HS3ST5: variants seen among roughly 807,000 people sequenced by gnomAD.
HS3ST5 encodes the protein heparan sulfate-glucosamine 3-sulfotransferase 5.
Under a neutral mutation model 25.4 loss-of-function variants are expected in HS3ST5, and 10 were observed. That is an observed-to-expected ratio of 0.39 (90% confidence interval 0.24 to 0.67). The LOEUF (loss-of-function observed/expected upper bound fraction) is 0.67. HS3ST5 is among the 30% of genes least tolerant of loss of function. The pLI is 0.44. For missense variants in HS3ST5, 324 were observed against 420.7 expected, an observed-to-expected ratio of 0.77 and a Z score of 2.01; for synonymous variants, 170 against 162.4, an observed-to-expected ratio of 1.05 and a Z score of -0.36.
intron 3 of HS3ST5, among the ~76,000 whole-genome samples, chr6:114,164,998 TAAAG>T (rs1446714309): frequency 6.6e-6 from 1 of 152,130 alleles, no homozygotes; most frequent in Non-Finnish European, 1.5e-5. Context: ...GAAAAACTGT[TAAAG>T]AGATTGTTCC....
chr6:114,229,275 T>G (rs1417438297), intron 1 of HS3ST5, among the ~76,000 whole-genome samples: 1 of 152,194 alleles, frequency 6.6e-6, no homozygotes, highest in Admixed American at 6.5e-5. Flanking sequence ...AGTCAAAATG[T>G]GTTGCCTATT....
intron 3 of HS3ST5, among the ~76,000 whole-genome samples, chr6:114,100,924 T>C (rs1582600870): frequency 6.6e-6 from 1 of 152,358 alleles, no homozygotes; most frequent in Non-Finnish European, 1.5e-5. Flanking sequence ...CTAAGAGTCA[T>C]AGCTTTTGGT....
chr6:114,082,516 G>A (rs1041698124), intron 3 of HS3ST5, among the ~76,000 whole-genome samples: 2 of 152,210 alleles, frequency 1.3e-5, no homozygotes, highest in South Asian at 2.1e-4. Context: ...CCAGGGAAAT[G>A]TATTGAGATA....
intron 3 of HS3ST5, among the ~76,000 whole-genome samples, chr6:114,092,863 T>C (rs1416781544): frequency 1.3e-5 from 2 of 151,934 alleles, no homozygotes; most frequent in African/African-American, 4.8e-5. Context: ...TCAGTAGAGA[T>C]GGGGTTTCAC....
intron 3 of HS3ST5, among the ~76,000 whole-genome samples, chr6:114,140,115 T>G: frequency 6.6e-6 from 1 of 152,170 alleles, no homozygotes; most frequent in East Asian, 1.9e-4. Context: ...GTGATTTTCT[T>G]CTACTTCTTT....
In HS3ST5 at chr6:114,085,934, GCC is replaced by G. The variant is rs377436068; in HGVS notation, c.-32-23059_-32-23058del. 1.1e-3 allele frequency among the ~76,000 whole-genome samples: 107 copies of G among 98,886 alleles called. 5 individuals carry two copies. Among genetic ancestry groups the G allele is most frequent in the African/African-American group, 3.8e-3 (97 of 25,520 alleles). The allele number at this position is 98,886 out of a possible 152,430, so 64.9% of individuals were successfully genotyped here. On this transcript the variant is annotated intron_variant, in intron 3 of 4. Transcript: ENST00000312719. ...TCTCTTAAATTCATATAAATTCATT[GCC>G]CCCCCCCCCATTTAATCAGCCACTT...
At chr6:114,137,415 A>G (rs2114924293) in intron 3 of HS3ST5, among the ~76,000 whole-genome samples, 1 of 152,198 alleles carries the variant, frequency 6.6e-6, no homozygotes, top group East Asian at 1.9e-4. Context: ...GTCTCAGGTG[A>G]AAAATATTTA....
At chr6:114,333,068 G>GA (rs1776466799) in intron 1 of HS3ST5, among the ~76,000 whole-genome samples, 3 of 151,988 alleles carry the variant, frequency 2.0e-5, no homozygotes, top group South Asian at 4.2e-4. Flanking sequence ...TTTGTAGTCA[G>GA]AAAAAAAATC....
chr6:114,084,314 A>G, intron 3 of HS3ST5: 1 of 766,864 alleles, frequency 1.3e-6, no homozygotes, highest in South Asian at 1.3e-5. Context: ...CCTTCAGACC[A>G]GTCTGCAATC....
chr6:114,244,792 G>A (rs1772305268), intron 1 of HS3ST5, among the ~76,000 whole-genome samples: 1 of 152,114 alleles, frequency 6.6e-6, no homozygotes, highest in South Asian at 2.1e-4. Flanking sequence ...GAACTCAAAT[G>A]CTGGGAAACT....
chr6:114,154,218 A>G (rs1053566382), intron 3 of HS3ST5, among the ~76,000 whole-genome samples: 1 of 152,184 alleles, frequency 6.6e-6, no homozygotes. Context: ...CAGTGTGACT[A>G]GAGAAGTCTG....
At chr6:114,151,394 C>T (rs558001377) in intron 3 of HS3ST5, among the ~76,000 whole-genome samples, 1 of 152,220 alleles carries the variant, frequency 6.6e-6, no homozygotes, top group East Asian at 1.9e-4. Context: ...ATTGTTATGG[C>T]ATAGCTTTGT....
At chr6:114,297,288 C>T (rs1211366090) in intron 1 of HS3ST5, among the ~76,000 whole-genome samples, 4 of 152,072 alleles carry the variant, frequency 2.6e-5, no homozygotes, top group Non-Finnish European at 5.9e-5. Context: ...TCTGCCTTCA[C>T]AGGGCTCCGG....
At chr6:114,140,515 AC>A (rs1777850266) in intron 3 of HS3ST5, among the ~76,000 whole-genome samples, 1 of 152,158 alleles carries the variant, frequency 6.6e-6, no homozygotes, top group South Asian at 2.1e-4. Flanking sequence ...TCTAAGGTCC[AC>A]CCCTTCCTTG....
At chr6:114,144,827 A>G (rs1421279352) in intron 3 of HS3ST5, among the ~76,000 whole-genome samples, 1 of 152,220 alleles carries the variant, frequency 6.6e-6, no homozygotes, top group South Asian at 2.1e-4. Context: ...TTAGAATTAA[A>G]TGAGTAACGT....
chr6:114,144,041 A>T (rs1005936065), intron 3 of HS3ST5: 4 of 152,184 alleles, frequency 2.6e-5, no homozygotes, highest in African/African-American at 4.8e-5. Flanking sequence ...TCTATTTTTT[A>T]TGTTGAGGTT....
At chr6:114,104,320 G>A (rs1238092577) in intron 3 of HS3ST5, among the ~76,000 whole-genome samples, 1 of 152,102 alleles carries the variant, frequency 6.6e-6, no homozygotes, top group Non-Finnish European at 1.5e-5. Flanking sequence ...GGTCTCAAGG[G>A]ACACAAATAC....
intron 3 of HS3ST5, among the ~76,000 whole-genome samples, chr6:114,144,564 G>A (rs1478361173): frequency 6.6e-6 from 1 of 152,102 alleles, no homozygotes; most frequent in Non-Finnish European, 1.5e-5. Flanking sequence ...CTATCCAGAA[G>A]TTAGTTCTCA....
intron 4 of HS3ST5, among the ~76,000 whole-genome samples, chr6:114,061,249 T>G (rs1422525285): frequency 3.3e-5 from 5 of 152,208 alleles, no homozygotes; most frequent in African/African-American, 4.8e-5. Flanking sequence ...GGGCTGGATA[T>G]AAGAGTTCCA....
Sources: gnomAD v4.1 joint callset for allele counts (sites outside exome capture counted in the v4.1 genomes callset) on GRCh38, gnomAD v4.1.1 for gene constraint, MANE v1.5 for transcripts, NCBI Gene and HGNC (gene_info 2026-07-23, HGNC 2026-07-21) for gene names.